Variants in ARHGAP21 observed in about 807,000 individuals in gnomAD.
ARHGAP21 encodes rho GTPase-activating protein 21.
A neutral mutation model predicts 164.6 loss-of-function variants in ARHGAP21; 38 were observed. The ratio of observed to expected loss-of-function variants is 0.23; its 90% CI spans 0.18 to 0.30. The LOEUF (loss-of-function observed/expected upper bound fraction) is 0.30, where lower values mean the gene tolerates loss of function less well. Ranked by LOEUF, ARHGAP21 falls within the 10% of genes least tolerant of loss-of-function variation. The pLI is 1.00. For missense variants in ARHGAP21, 1,822 were observed against 2,370.7 expected (o/e 0.77, Z 4.81); for synonymous variants, 766 against 857.9 (o/e 0.89, Z 1.87).
At chr10:24,682,593 T>C (rs1317066191) in intron 2 of ARHGAP21, among the ~76,000 whole-genome samples, 1 of 152,172 alleles carries the variant, frequency 6.6e-6, no homozygotes, top group Non-Finnish European at 1.5e-5. Flanking sequence ...AAATTCCCAC[T>C]GAGAGAAAAG....
chr10:24,628,700 T>C (rs1365675473), intron 7 of ARHGAP21, among the ~76,000 whole-genome samples: 2 of 151,416 alleles, frequency 1.3e-5, no homozygotes, highest in Non-Finnish European at 2.9e-5. Flanking sequence ...TCTATTTTAT[T>C]CTACAGAACT....
intron 20 of ARHGAP21, 25 bp from the exon 21 acceptor site, chr10:24,595,064 G>A (rs1262052836): frequency 1.9e-6 from 3 of 1,607,856 alleles, no homozygotes; most frequent in Non-Finnish European, 8.5e-7. Context: ...TTTCACAATG[G>A]ATTCAGAGGC....
At chr10:24,601,724 C>CT (rs901915121) in intron 13 of ARHGAP21, among the ~76,000 whole-genome samples, 9 of 152,110 alleles carry the variant, frequency 5.9e-5, no homozygotes, top group African/African-American at 2.2e-4. Context: ...CTTAGATTTC[C>CT]TTTTTACATT....
chr10:24,695,253 G>A (rs1420932248), intron 2 of ARHGAP21, among the ~76,000 whole-genome samples: 1 of 152,038 alleles, frequency 6.6e-6, no homozygotes, highest in Non-Finnish European at 1.5e-5. Context: ...TAGACCTAGC[G>A]ATTTACTTCT....
At chr10:24,601,498 T>C (rs1311541546) in intron 13 of ARHGAP21, among the ~76,000 whole-genome samples, 1 of 152,214 alleles carries the variant, frequency 6.6e-6, no homozygotes, top group Admixed American at 6.5e-5. Context: ...GGCAAAGTCT[T>C]TTTCTGTTGA....
At chr10:24,597,840 G>A in intron 15 of ARHGAP21, 105 bp downstream of exon 15, 1 of 1,276,100 alleles carries the variant, frequency 7.8e-7, no homozygotes, top group South Asian at 1.4e-5. Flanking sequence ...ACTATCTGCG[G>A]TTTCAAGCAT....
chr10:24,657,816 G>A (rs1302187613), intron 4 of ARHGAP21, among the ~76,000 whole-genome samples: 2 of 118,946 alleles, frequency 1.7e-5, no homozygotes, highest in Non-Finnish European at 3.5e-5. Context: ...TAAGGGCGGT[G>A]CAAGATGTGC....
Position 24,621,036 on chromosome 10 carries a change from T to C in ARHGAP21, c.859A>G (p.Asn287Asp), listed in dbSNP as rs1834491446. The C allele has an allele frequency of 6.2e-7, 1 of 1,614,004 alleles. No individual in the cohort carries two copies. Among genetic ancestry groups the C allele is most frequent in the Non-Finnish European group, 8.5e-7 (1 of 1,179,854 alleles). The change falls in exon 9 of 26, where the codon AAT (asparagine) becomes GAT (aspartate). Residue 287 changes from asparagine (N) to aspartate (D), a missense_variant. Asn to Asp is a conservative substitution (Grantham distance 23). Coordinates refer to ENST00000396432, the MANE Select transcript of ARHGAP21 (RefSeq NM_020824.4). ...PSEKVVDLLS[N>D]RNNHTGPSHR... ...GAAGGACCTGTATGGTTGTTTCTAT[T>C]GGATAACAAATCTACAACCTTCTCA... is the stretch of plus-strand genomic sequence containing the variant.
At chr10:24,658,132 C>T (rs1839269779) in intron 4 of ARHGAP21, among the ~76,000 whole-genome samples, 1 of 151,518 alleles carries the variant, frequency 6.6e-6, no homozygotes, top group Non-Finnish European at 1.5e-5. Flanking sequence ...GAGATACCAT[C>T]TCACACCAGT....
At chr10:24,711,520 T>C (rs1844814114) in intron 2 of ARHGAP21, among the ~76,000 whole-genome samples, 1 of 152,216 alleles carries the variant, frequency 6.6e-6, no homozygotes, top group South Asian at 2.1e-4. Context: ...ACATGAAGGA[T>C]AATATTCACG....
chr10:24,665,683 A>T (rs1840120651), intron 4 of ARHGAP21, among the ~76,000 whole-genome samples: 1 of 152,218 alleles, frequency 6.6e-6, no homozygotes, highest in Non-Finnish European at 1.5e-5. Flanking sequence ...TGGGATAGTG[A>T]TTTCACGGGT....
chr10:24,624,862 T>C (rs1215259886), intron 7 of ARHGAP21, among the ~76,000 whole-genome samples: 2 of 152,080 alleles, frequency 1.3e-5, no homozygotes, highest in African/African-American at 2.4e-5. Flanking sequence ...CAACAGAATA[T>C]GACAAAACAT....
chr10:24,719,089 T>C (rs1845667133), intron 2 of ARHGAP21, among the ~76,000 whole-genome samples: 1 of 122,006 alleles, frequency 8.2e-6, no homozygotes, highest in Admixed American at 8.6e-5. Context: ...GTCAGAAGAC[T>C]TCACGGACTA....
intron 21 of ARHGAP21, 29 bp downstream of exon 21, chr10:24,594,921 T>C (rs1379967878): frequency 3.2e-5 from 50 of 1,541,378 alleles, no homozygotes; most frequent in Non-Finnish European, 4.3e-5. Flanking sequence ...CCACTAAAAG[T>C]ACATTTCTTC....
At chr10:24,603,424 CTA>C (rs999871007) in intron 12 of ARHGAP21, among the ~76,000 whole-genome samples, 2 of 152,238 alleles carry the variant, frequency 1.3e-5, no homozygotes, top group African/African-American at 2.4e-5. Context: ...GAAGTAGAAA[CTA>C]TAGTTTTTTC....
chr10:24,689,429 C>T (rs1237500381), intron 2 of ARHGAP21, among the ~76,000 whole-genome samples: 1 of 152,110 alleles, frequency 6.6e-6, no homozygotes, highest in Non-Finnish European at 1.5e-5. Flanking sequence ...ACATATTCTT[C>T]CAGACTTTTT....
At chr10:24,722,907 T>A (rs1179368405) in intron 1 of ARHGAP21, 5 of 152,002 alleles carry the variant, frequency 3.3e-5, no homozygotes, top group Non-Finnish European at 5.9e-5. Context: ...GGCATGATTC[T>A]GGAGCTACAC....
intron 2 of ARHGAP21, among the ~76,000 whole-genome samples, chr10:24,696,657 T>C (rs972535615): frequency 2.0e-5 from 3 of 152,116 alleles, no homozygotes; most frequent in Non-Finnish European, 4.4e-5. Context: ...ACTACTGGGA[T>C]GGCTCTAGGA....
At chr10:24,663,298 T>C (rs931769972) in intron 4 of ARHGAP21, among the ~76,000 whole-genome samples, 2 of 152,226 alleles carry the variant, frequency 1.3e-5, no homozygotes, top group Admixed American at 6.5e-5. Context: ...CCTCAAACTA[T>C]AGCAGTAACT....
Sources: gnomAD v4.1 joint callset for allele counts (sites outside exome capture counted in the v4.1 genomes callset) on GRCh38, gnomAD v4.1.1 for gene constraint, MANE v1.5 for transcripts, NCBI Gene and HGNC (gene_info 2026-07-23, HGNC 2026-07-21) for gene names.